Variants in QRICH1 observed in about 807,000 individuals in gnomAD.
QRICH1 encodes glutamine rich 1.
In QRICH1, 16 loss-of-function variants were observed where a neutral mutation model predicts 87.1. The ratio of observed to expected loss-of-function variants is 0.18; its 90% CI spans 0.12 to 0.28. QRICH1 has a LOEUF of 0.28. Ranked by LOEUF, QRICH1 falls within the 10% of genes least tolerant of loss-of-function variation. The pLI is 1.00. For missense variants in QRICH1, 647 were observed against 951.7 expected (o/e 0.68, Z 4.21); for synonymous variants, 367 against 368.4 (o/e 1.00, Z 0.05).
At chr3:49,046,933 G>T in intron 4 of QRICH1, 136 bp downstream of exon 4, 1 of 1,071,190 alleles carries the variant, frequency 9.3e-7, no homozygotes, top group Non-Finnish European at 1.4e-6. Context: ...TACTAGGCTT[G>T]AATTCAACAT....
Position 49,058,019 on chromosome 3 carries a change from C to G in QRICH1, c.310-129G>C, listed in dbSNP as rs754815865. On this transcript the variant is annotated intron_variant, in intron 2 of 9. Coordinates refer to ENST00000395443, the MANE Select transcript of QRICH1 (RefSeq NM_198880.3). Reference sequence around the variant, plus strand: ...TGAGAAAACACTGGCATACTCAAGGCTTCTGAGAAGGACACAATACGTAAG... The same window carrying G: ...TGAGAAAACACTGGCATACTCAAGGGTTCTGAGAAGGACACAATACGTAAG... 4.0e-6 allele frequency: 6 copies of G among 1,501,924 alleles called. No homozygotes were observed. The Admixed American group carries it at 9.9e-5, about 25-fold the overall frequency. The allele number at this position is 1,501,924 out of a possible 1,614,324, so 93.0% of individuals were successfully genotyped here.
At chr3:49,051,882 T>G (rs979928328) in intron 3 of QRICH1, among the ~76,000 whole-genome samples, 6 of 152,126 alleles carry the variant, frequency 3.9e-5, no homozygotes, top group African/African-American at 1.4e-4. Flanking sequence ...TTCCCAAGCA[T>G]CTTCCAAAAA....
intron 6 of QRICH1, among the ~76,000 whole-genome samples, chr3:49,041,635 C>CTT (rs990961976): frequency 2.0e-5 from 3 of 147,218 alleles, no homozygotes; most frequent in African/African-American, 5.0e-5. Flanking sequence ...GCTGCTACTC[C>CTT]TTTTTTTTTT....
At chr3:49,061,758 AG>A (rs532036875) in intron 2 of QRICH1, among the ~76,000 whole-genome samples, 176 of 152,204 alleles carry the variant, frequency 1.2e-3, no homozygotes, top group African/African-American at 3.9e-3. Context: ...AGGTTGAGGC[AG>A]GTGAACTACT....
intron 6 of QRICH1, among the ~76,000 whole-genome samples, chr3:49,034,192 G>C (rs1019980214): frequency 6.6e-6 from 1 of 151,212 alleles, no homozygotes; most frequent in Non-Finnish European, 1.5e-5. Flanking sequence ...CCTGTAATCC[G>C]AGAACTTTGG....
At position 49,057,526 on chromosome 3, in the gene QRICH1, T is replaced by C. The variant is rs751907885; in HGVS notation, c.674A>G (p.Gln225Arg). The stretch of plus-strand genomic sequence containing the variant: ...CTCCCCTTCCCGGGGTGAGCCCTGC[T>C]GGGATGGTGGTGGGGAAAGGGCACC... ...TVGALSPPPSQQGSPREGERR... is the reference protein window; with the variant it reads ...TVGALSPPPSRQGSPREGERR... The change falls in exon 3 of 10, where the codon CAG becomes CGG. Residue 225 changes from glutamine (Q) to arginine (R), a missense_variant. Coordinates refer to ENST00000395443, the MANE Select transcript of QRICH1 (RefSeq NM_198880.3). The surrounding 1 kb of genome is among the most constrained non-coding windows in gnomAD (Gnocchi z 5.4). 2 of 1,613,434 alleles carry C rather than the reference T, an allele frequency of 1.2e-6. No homozygotes were observed. Among genetic ancestry groups the C allele is most frequent in the Middle Eastern group, 1.7e-4 (1 of 6,060 alleles).
At chr3:49,033,256 A>G (rs139073730) in intron 6 of QRICH1, 28 bp from the exon 7 acceptor site, 6 of 1,406,218 alleles carry the variant, frequency 4.3e-6, no homozygotes, top group Non-Finnish European at 5.7e-6. Flanking sequence ...CTGTCACAAC[A>G]AGAGGATGGC....
chr3:49,089,583 G>A (rs1183279436), intron 1 of QRICH1, among the ~76,000 whole-genome samples: 4 of 152,072 alleles, frequency 2.6e-5, no homozygotes, highest in Non-Finnish European at 4.4e-5. Flanking sequence ...AAAGCTGGAA[G>A]CAACCCAGAT....
At position 49,057,955 on chromosome 3, in the gene QRICH1, A is replaced by G; in HGVS notation, c.310-65T>C. The G allele has an allele frequency of 6.2e-7, 1 of 1,611,992 alleles. No individual in the cohort carries two copies. The highest frequency in any genetic ancestry group is 8.5e-7 in the Non-Finnish European group (1 of 1,179,746). The stretch of plus-strand genomic sequence containing the variant: ...CACTGAAAATCCAGTACCCAAGGAA[A>G]GAAAGAAAAGAGATCCCAGACAGGG... On this transcript the variant is annotated intron_variant, in intron 2 of 9. Transcript: ENST00000395443. The surrounding 1 kb of genome is among the most constrained non-coding windows in gnomAD (Gnocchi z 5.4).
At chr3:49,068,641 T>G (rs1259357373) in intron 2 of QRICH1, among the ~76,000 whole-genome samples, 1 of 151,502 alleles carries the variant, frequency 6.6e-6, no homozygotes, top group Non-Finnish European at 1.5e-5. Context: ...TTTCTTTTTT[T>G]TTTTGTGATG....
chr3:49,075,937 G>C (rs553971439), intron 2 of QRICH1, among the ~76,000 whole-genome samples: 1 of 151,730 alleles, frequency 6.6e-6, no homozygotes, highest in African/African-American at 2.4e-5. Context: ...TCTCAAAAAA[G>C]AAAAGAAAAA....
intron 9 of QRICH1, among the ~76,000 whole-genome samples, chr3:49,030,970 G>A (rs1035740015): frequency 6.7e-5 from 10 of 149,358 alleles, no homozygotes; most frequent in African/African-American, 2.5e-4. Flanking sequence ...TGCTCAAAGC[G>A]TCTATCTCCA....
At chr3:49,067,976 C>CA (rs776793555) in intron 2 of QRICH1, among the ~76,000 whole-genome samples, 11 of 151,394 alleles carry the variant, frequency 7.3e-5, no homozygotes, top group East Asian at 3.9e-4. Flanking sequence ...TGGAAACAAA[C>CA]AAAAAAAACA....
intron 9 of QRICH1, 57 bp downstream of exon 9, chr3:49,032,126 G>A: frequency 7.5e-7 from 1 of 1,326,106 alleles, no homozygotes; most frequent in Non-Finnish European, 1.1e-6. Context: ...AAGTGAGCAT[G>A]CACACGCATA....
chr3:49,066,862 ACCC>A (rs763445347), intron 2 of QRICH1, among the ~76,000 whole-genome samples: 1 of 151,844 alleles, frequency 6.6e-6, no homozygotes, highest in African/African-American at 2.4e-5. Context: ...ACATGGTTAA[ACCC>A]CGTCTCTAAT....
intron 1 of QRICH1, among the ~76,000 whole-genome samples, chr3:49,080,966 C>CAAAA (rs34230924): frequency 1.6e-4 from 4 of 24,798 alleles, no homozygotes; most frequent in East Asian, 1.2e-3. Context: ...AACTCCATCT[C>CAAAA]AAAAAAAAAA....
intron 3 of QRICH1, among the ~76,000 whole-genome samples, chr3:49,051,410 T>TG (rs549190409): frequency 3.9e-5 from 6 of 152,146 alleles, no homozygotes; most frequent in Non-Finnish European, 8.8e-5. Flanking sequence ...CTGTATGCTT[T>TG]GGGTTTTTCT....
intron 6 of QRICH1, among the ~76,000 whole-genome samples, chr3:49,037,675 T>C (rs2093283818): frequency 6.9e-6 from 1 of 145,906 alleles, no homozygotes; most frequent in Non-Finnish European, 1.5e-5. Flanking sequence ...GAGGTTACAG[T>C]GAGCCGAGAT....
chr3:49,055,033 A>G (rs929346705), intron 3 of QRICH1, among the ~76,000 whole-genome samples: 3 of 152,350 alleles, frequency 2.0e-5, no homozygotes, highest in Non-Finnish European at 4.4e-5. Flanking sequence ...AAATAATTCG[A>G]AGGAAAAGAA....
Sources: gnomAD v4.1 joint callset for allele counts (sites outside exome capture counted in the v4.1 genomes callset) on GRCh38, gnomAD v4.1.1 for gene constraint, Gnocchi (gnomAD v3.1) non-coding constraint, MANE v1.5 for transcripts, NCBI Gene and HGNC (gene_info 2026-07-23, HGNC 2026-07-21) for gene names.